The following UACA variants were observed in gnomAD, a reference collection of about 807,000 sequenced individuals.
UACA encodes the protein uveal autoantigen with coiled-coil domains and ankyrin repeats, also known as nuclear membrane binding protein.
UACA carries 112 observed loss-of-function variants against 160.5 expected under a neutral mutation model. That is an observed-to-expected ratio of 0.70 (90% confidence interval 0.60 to 0.82). The LOEUF (loss-of-function observed/expected upper bound fraction) is 0.82, where lower values mean the gene tolerates loss of function less well. Ranked by LOEUF, UACA falls within the 40% of genes least tolerant of loss-of-function variation. The pLI is 0.00. For synonymous variants in UACA, 557 were observed against 568.4 expected (o/e 0.98, Z 0.29); for missense variants, 1,574 against 1,614.6 (o/e 0.97, Z 0.43).
At position 70,728,575 on chromosome 15, in the gene UACA, GA is replaced by G. The variant is rs552367044; in HGVS notation, c.79-28916del. Among the ~76,000 whole-genome samples, 84 of 118,276 alleles carry G rather than the reference GA, an allele frequency of 7.1e-4. 1 individual carries two copies. Among genetic ancestry groups the G allele is most frequent in the East Asian group, 2.4e-3 (10 of 4,142 alleles). The allele number at this position is 118,276 out of a possible 152,430, so 77.6% of individuals were successfully genotyped here. A position where few individuals can be genotyped will look rare whatever the true frequency, so the allele number is the denominator to read the frequency against. Reference sequence around the variant, plus strand: ...CGAAACCCCATCTCAAAAAAAAAAAGAAAAAAAAAAAACATAGAAAAAAAAC... The same window carrying G: ...CGAAACCCCATCTCAAAAAAAAAAAGAAAAAAAAAAACATAGAAAAAAAAC... On this transcript the variant is annotated intron_variant, in intron 1 of 18. Transcript: ENST00000322954.
In UACA at chr15:70,690,451, C is replaced by G; in HGVS notation, c.424+3G>C. 6.2e-7 allele frequency: 1 copy of G among 1,612,608 alleles called. No homozygotes were observed. The highest frequency in any genetic ancestry group is 8.5e-7 in the Non-Finnish European group (1 of 1,179,278). ...TTTGTATCCAAGGGAAACCACTGCT[C>G]ACCGGCATCGTGAAGTGCAGTTCTT... On this transcript the variant is annotated splice_donor_region_variant and intron_variant, in intron 5 of 18. Transcript: ENST00000322954.
At chr15:70,663,631 A>C (rs1896797379) in intron 17 of UACA, among the ~76,000 whole-genome samples, 1 of 152,172 alleles carries the variant, frequency 6.6e-6, no homozygotes, top group African/African-American at 2.4e-5. Context: ...AATGTCCAAC[A>C]ATGATAGACT....
At chr15:70,680,954 T>G (rs1487275917) in intron 9 of UACA, among the ~76,000 whole-genome samples, 1 of 152,136 alleles carries the variant, frequency 6.6e-6, no homozygotes, top group East Asian at 1.9e-4. Flanking sequence ...TTTAGCAGCT[T>G]CTTCTGCTCC....
chr15:70,747,963 A>G (rs1477511048), intron 1 of UACA, among the ~76,000 whole-genome samples: 1 of 152,242 alleles, frequency 6.6e-6, no homozygotes, highest in Non-Finnish European at 1.5e-5. Flanking sequence ...CAGTTTAGAG[A>G]AAATGAATTC....
chr15:70,703,050 A>C (rs1898419926), intron 1 of UACA: 3 of 1,258,158 alleles, frequency 2.4e-6, no homozygotes, highest in Non-Finnish European at 3.1e-6. Context: ...AACGAGCTAG[A>C]CTATTAAAAA....
In UACA at chr15:70,667,121, C is replaced by T. The variant is rs769035026; in HGVS notation, c.3563G>A (p.Arg1188Lys). The change falls in exon 16 of 19, where the codon AGA becomes AAA. Residue 1188 changes from arginine (R) to lysine (K), a missense_variant. By Grantham distance (26) the Arg-to-Lys change is conservative (BLOSUM62 2). Transcript: ENST00000322954. ...KEVGIIKASL[R>K]EKEEESQNKM... Reference sequence around the variant, plus strand: ...GTTTTGGCTTTCTTCTTCCTTTTCTCTCAAGCTGGCTTTTATGATTCCAAC... The same window carrying T: ...GTTTTGGCTTTCTTCTTCCTTTTCTTTCAAGCTGGCTTTTATGATTCCAAC... The T allele has an allele frequency of 2.5e-6, 4 of 1,613,204 alleles. No individual in the cohort carries two copies. The highest frequency in any genetic ancestry group is 1.7e-5 in the Admixed American group (1 of 59,862).
At chr15:70,727,509 T>C (rs1283068241) in intron 1 of UACA, among the ~76,000 whole-genome samples, 1 of 152,178 alleles carries the variant, frequency 6.6e-6, no homozygotes, top group African/African-American at 2.4e-5. Flanking sequence ...TAAATAGACA[T>C]TTTTATTAAC....
Position 70,695,082 on chromosome 15 carries a change from C to A in UACA, c.236G>T (p.Gly79Val), listed in dbSNP as rs1186379110. The A allele has an allele frequency of 6.2e-7, 1 of 1,607,984 alleles. No homozygotes were observed. Among genetic ancestry groups the A allele is most frequent in the Non-Finnish European group, 8.5e-7 (1 of 1,177,104 alleles). The stretch of plus-strand genomic sequence containing the variant: ...GATGGCATTCAAACACTCAAGATTC[C>A]CCTTTGAGGTCACAACATGGAAGCT... The part of the protein sequence containing the change: ...RSVFHVVTSK[G>V]NLECLNAILI... The change falls in exon 3 of 19, where the codon GGG becomes GTG. Residue 79 changes from glycine to valine, a missense_variant. Coordinates refer to ENST00000322954, the MANE Select transcript of UACA (RefSeq NM_018003.4).
upstream of UACA, among the ~76,000 whole-genome samples, chr15:70,765,587 T>C (rs1268479286): frequency 6.6e-6 from 1 of 152,228 alleles, no homozygotes; most frequent in Non-Finnish European, 1.5e-5. Flanking sequence ...TTACTTAAAA[T>C]TGGGGAATAA....
intron 17 of UACA, chr15:70,661,261 C>G (rs1896696699): frequency 6.6e-6 from 1 of 152,210 alleles, no homozygotes; most frequent in South Asian, 2.1e-4. Context: ...ACCCCTATCA[C>G]TTAGAATCTG....
intron 1 of UACA, among the ~76,000 whole-genome samples, chr15:70,710,458 G>A (rs925865478): frequency 6.6e-6 from 1 of 151,984 alleles, no homozygotes; most frequent in African/African-American, 2.4e-5. Context: ...ACAACATCTG[G>A]GTCTCCTACA....
chr15:70,739,020 G>A (rs777665760), intron 1 of UACA, among the ~76,000 whole-genome samples: 1 of 152,170 alleles, frequency 6.6e-6, no homozygotes, highest in Non-Finnish European at 1.5e-5. Flanking sequence ...ACATTCTATT[G>A]TTCAAAGCAA....
the UACA span, among the ~76,000 whole-genome samples, chr15:70,777,269 G>A: frequency 6.6e-6 from 1 of 152,084 alleles, no homozygotes; most frequent in African/African-American, 2.4e-5. Flanking sequence ...TCAGGAGATT[G>A]GTATCAGCCA....
chr15:70,671,950 T>C lies in UACA; in HGVS notation c.1168+15A>G, dbSNP rs1430514956. 1.9e-6 allele frequency: 3 copies of C among 1,587,400 alleles called. No individual in the cohort carries two copies. The highest frequency in any genetic ancestry group is 2.6e-6 in the Non-Finnish European group (3 of 1,165,836). Reference sequence around the variant, plus strand: ...CTAGGTGAACTGTAATGATAATCCATACTTTTATACTTACGGTTACTGAAA... The same window carrying C: ...CTAGGTGAACTGTAATGATAATCCACACTTTTATACTTACGGTTACTGAAA... On this transcript the variant is annotated intron_variant, in intron 14 of 18. Coordinates refer to ENST00000322954, the MANE Select transcript of UACA (RefSeq NM_018003.4).
chr15:70,761,189 T>C (rs1567004559), intron 1 of UACA, among the ~76,000 whole-genome samples: 1 of 152,192 alleles, frequency 6.6e-6, no homozygotes. Context: ...AGGGTGACTA[T>C]ATTCATATTT....
At position 70,668,803 on chromosome 15, in the gene UACA, A is replaced by C; in HGVS notation, c.1881T>G (p.Ile627Met). 6.2e-7 allele frequency: 1 copy of C among 1,613,882 alleles called. No individual in the cohort carries two copies. Among genetic ancestry groups the C allele is most frequent in the Non-Finnish European group, 8.5e-7 (1 of 1,180,002 alleles). The change falls in exon 16 of 19, where the codon ATT becomes ATG. Residue 627 changes from isoleucine to methionine, a missense_variant. By Grantham distance (10) the Ile-to-Met change is conservative. Coordinates refer to ENST00000322954, the MANE Select transcript of UACA (RefSeq NM_018003.4). Reference sequence around the variant, plus strand: ...TCATGTTTTCAAATTTTTCAGCTGGAATGGAAAGGGCCAACTTCGCTGACA... The same window carrying C: ...TCATGTTTTCAAATTTTTCAGCTGGCATGGAAAGGGCCAACTTCGCTGACA... ...KELSAKLALS[I>M]PAEKFENMKS...
rs539025344 is a variant in UACA at position 70,678,235 on chromosome 15, G to C, written c.892-29C>G. 3.7e-5 allele frequency: 57 copies of C among 1,548,732 alleles called. 2 individuals carry two copies. In the South Asian group the frequency reaches 6.5e-4, roughly 18 times the overall value. On this transcript the variant is annotated intron_variant, in intron 10 of 18. Transcript: ENST00000322954. ...AAATAATAAAGACAACAAGGTGCCAGGCCAATCTTAAAAGAGCAAATTCTT... is the reference window on the plus strand; with the variant it reads ...AAATAATAAAGACAACAAGGTGCCACGCCAATCTTAAAAGAGCAAATTCTT...
chr15:70,744,860 A>C (rs1471653854), intron 1 of UACA, among the ~76,000 whole-genome samples: 1 of 152,148 alleles, frequency 6.6e-6, no homozygotes, highest in Non-Finnish European at 1.5e-5. Context: ...AGTAGAAAGA[A>C]CACTTTGATA....
chr15:70,667,389 C>T lies in UACA; in HGVS notation c.3295G>A (p.Glu1099Lys). Residue 1099 changes from glutamate (E) to lysine (K), a missense_variant, in exon 16 of 19, where the codon GAG becomes AAG. Physicochemically the swap from Glu to Lys is moderately conservative, Grantham distance 56. Transcript: ENST00000322954. ...LVEENAKQTS[E>K]ILAVQNLLQK... ...AAAAGATTTTGCACTGCAAGTATCT[C>T]AGAAGTCTGTTTGGCATTTTCTTCT... The T allele has an allele frequency of 6.2e-7, 1 of 1,612,422 alleles. No individual in the cohort carries two copies. The highest frequency in any genetic ancestry group is 8.5e-7 in the Non-Finnish European group (1 of 1,179,918).
Sources: gnomAD v4.1 joint callset for allele counts (sites outside exome capture counted in the v4.1 genomes callset) on GRCh38, gnomAD v4.1.1 for gene constraint, MANE v1.5 for transcripts, NCBI Gene and HGNC (gene_info 2026-07-23, HGNC 2026-07-21) for gene names.